The following SPOCK1 variants were observed in gnomAD, a reference collection of about 807,000 sequenced individuals.
SPOCK1 encodes the protein SPARC (osteonectin), cwcv and kazal like domains proteoglycan 1.
SPOCK1 carries 23 observed loss-of-function variants against 55.3 expected under a neutral mutation model. The observed-to-expected ratio is 0.42, with a 90% confidence interval of 0.30 to 0.59. The LOEUF is 0.59. Among genes scored for constraint, SPOCK1 ranks in the 20% least tolerant of loss-of-function variants. The probability of loss-of-function intolerance (pLI) is 0.22; values close to 1 mark genes in which losing one functional copy is unlikely to be tolerated. For synonymous variants in SPOCK1, 226 were observed against 221.0 expected, an observed-to-expected ratio of 1.02 and a Z score of -0.20; for missense variants, 499 against 552.5, an observed-to-expected ratio of 0.90 and a Z score of 0.97.
chr5:137,410,835 G>A (rs912187733), intron 2 of SPOCK1, among the ~76,000 whole-genome samples: 2 of 152,206 alleles, frequency 1.3e-5, no homozygotes, highest in African/African-American at 4.8e-5. Flanking sequence ...CCCAGATGGA[G>A]AGACAGGCAG....
intron 2 of SPOCK1, among the ~76,000 whole-genome samples, chr5:137,337,676 C>T (rs897858119): frequency 4.6e-5 from 7 of 152,206 alleles, no homozygotes; most frequent in African/African-American, 1.7e-4. Context: ...ATTCAACTCT[C>T]TCCATTTTTA....
At chr5:137,442,286 G>A (rs374608392) in intron 2 of SPOCK1, among the ~76,000 whole-genome samples, 12 of 152,228 alleles carry the variant, frequency 7.9e-5, no homozygotes, top group African/African-American at 1.2e-4. Context: ...ACGGGGGAGC[G>A]GGGGGAAGAT....
chr5:137,157,726 G>C (rs1274001126), intron 3 of SPOCK1, among the ~76,000 whole-genome samples: 1 of 152,154 alleles, frequency 6.6e-6, no homozygotes, highest in Non-Finnish European at 1.5e-5. Context: ...ATGAAAGGTT[G>C]GTCACTAGGA....
At chr5:137,020,292 T>C (rs1751540891) in intron 6 of SPOCK1, among the ~76,000 whole-genome samples, 1 of 151,824 alleles carries the variant, frequency 6.6e-6, no homozygotes, top group African/African-American at 2.4e-5. Flanking sequence ...AAAGATATTC[T>C]AGGTACATAC....
intron 2 of SPOCK1, among the ~76,000 whole-genome samples, chr5:137,273,812 C>T (rs1757014119): frequency 6.6e-6 from 1 of 152,182 alleles, no homozygotes; most frequent in East Asian, 1.9e-4. Context: ...GAGTAGTATA[C>T]CTTCTACATT....
intron 2 of SPOCK1, among the ~76,000 whole-genome samples, chr5:137,394,061 A>G (rs1456028171): frequency 6.6e-6 from 1 of 152,230 alleles, no homozygotes; most frequent in Non-Finnish European, 1.5e-5. Flanking sequence ...GATTCCAGGC[A>G]GAGGCTTTCT....
chr5:137,074,455 T>C (rs1379695707), intron 5 of SPOCK1, among the ~76,000 whole-genome samples: 3 of 152,208 alleles, frequency 2.0e-5, no homozygotes, highest in Admixed American at 6.5e-5. Flanking sequence ...AAAGTACGTA[T>C]GTATATACAG....
intron 3 of SPOCK1, among the ~76,000 whole-genome samples, chr5:137,241,169 T>C (rs1309596532): frequency 6.6e-6 from 1 of 152,162 alleles, no homozygotes. Flanking sequence ...AATCTCTTAT[T>C]AACCTCAAAG....
chr5:137,111,779 C>T (rs899825650), intron 5 of SPOCK1, among the ~76,000 whole-genome samples: 4 of 152,054 alleles, frequency 2.6e-5, no homozygotes, highest in Admixed American at 2.6e-4. Flanking sequence ...CCTCATCTTT[C>T]CAATAGAAAT....
At chr5:137,132,783 CT>C (rs951883052) in intron 4 of SPOCK1, among the ~76,000 whole-genome samples, 8 of 152,140 alleles carry the variant, frequency 5.3e-5, no homozygotes, top group Non-Finnish European at 8.8e-5. Context: ...TCTGGAAGCG[CT>C]TTTTTTGTTG....
chr5:137,183,177 G>A (rs540556666), intron 3 of SPOCK1, among the ~76,000 whole-genome samples: 52 of 152,228 alleles, frequency 3.4e-4, no homozygotes, highest in Non-Finnish European at 6.9e-4. Context: ...CTCACTATGT[G>A]GCAGACACTA....
chr5:136,978,821 C>T lies in SPOCK1; in HGVS notation c.1153G>A (p.Asp385Asn). Residue 385 changes from aspartate to asparagine, a missense_variant, in exon 11 of 11, where the codon GAT becomes AAT. Physicochemically the swap from Asp to Asn is conservative, Grantham distance 23. Coordinates refer to ENST00000394945, the MANE Select transcript of SPOCK1 (RefSeq NM_004598.4). Reference protein sequence around the residue: ...SCEEEQETSGDFGSGGSVVLL... With the variant: ...SCEEEQETSGNFGSGGSVVLL... ...ACCACGGACCCACCACTGCCAAAAT[C>T]CCCTGAGGTTTCCTGCTCCTCTTCT... is the stretch of plus-strand genomic sequence containing the variant. 3 of 1,611,922 alleles carry T rather than the reference C, an allele frequency of 1.9e-6. No individual in the cohort carries two copies. The highest frequency in any genetic ancestry group is 2.5e-6 in the Non-Finnish European group (3 of 1,179,142).
chr5:137,089,512 C>A (rs925257167), intron 5 of SPOCK1, among the ~76,000 whole-genome samples: 1 of 152,224 alleles, frequency 6.6e-6, no homozygotes, highest in Non-Finnish European at 1.5e-5. Context: ...CCAGCAAGCT[C>A]TTCTCTGTAC....
chr5:137,135,539 A>C lies in SPOCK1; in HGVS notation c.347+5041T>G, dbSNP rs192406926. Among the ~76,000 whole-genome samples the C allele has an allele frequency of 1.7e-4, 26 of 152,284 alleles. 1 individual carries two copies. Among genetic ancestry groups the C allele is most frequent in the Admixed American group, 1.4e-3 (21 of 15,298 alleles). On this transcript the variant is annotated intron_variant, in intron 4 of 10. Transcript: ENST00000394945. ...AAACCCTTCTTCCGCAAACAAACCC[A>C]TTTACCAATGGGATCCTGGGCATCT... is the stretch of plus-strand genomic sequence containing the variant.
At chr5:137,052,180 G>A (rs756643670) in intron 6 of SPOCK1, among the ~76,000 whole-genome samples, 29 of 152,178 alleles carry the variant, frequency 1.9e-4, no homozygotes, top group Admixed American at 6.5e-5. Flanking sequence ...AGTGGAGCCT[G>A]GTTCCCTTAT....
At chr5:137,203,540 A>C (rs1295396918) in intron 3 of SPOCK1, among the ~76,000 whole-genome samples, 1 of 152,158 alleles carries the variant, frequency 6.6e-6, no homozygotes, top group Admixed American at 6.5e-5. Flanking sequence ...AATGTTCACT[A>C]TATGATTTCC....
At chr5:137,490,805 T>C (rs966429063) in intron 2 of SPOCK1, among the ~76,000 whole-genome samples, 31 of 152,188 alleles carry the variant, frequency 2.0e-4, no homozygotes, top group African/African-American at 7.5e-4. Flanking sequence ...AGGTCTTCTG[T>C]GCCAGGAGCT....
intron 5 of SPOCK1, among the ~76,000 whole-genome samples, chr5:137,110,611 A>G (rs1753449550): frequency 6.6e-6 from 1 of 152,202 alleles, no homozygotes; most frequent in Non-Finnish European, 1.5e-5. Flanking sequence ...TAGGGGCTAA[A>G]AAGAGTAAGG....
intron 3 of SPOCK1, among the ~76,000 whole-genome samples, chr5:137,210,997 C>A (rs1755603430): frequency 6.6e-6 from 1 of 152,222 alleles, no homozygotes; most frequent in South Asian, 2.1e-4. Flanking sequence ...TCATTCTCAG[C>A]AGCCAACACA....
Sources: allele counts gnomAD v4.1 joint callset (sites outside exome capture counted in the v4.1 genomes callset), GRCh38; gene constraint gnomAD v4.1.1; transcripts MANE v1.5; gene names NCBI Gene and HGNC (gene_info 2026-07-23, HGNC 2026-07-21).